Variants in UNC45A observed in about 807,000 individuals in gnomAD.
UNC45A encodes protein unc-45 homolog A.
UNC45A carries 78 observed loss-of-function variants against 103.2 expected under a neutral mutation model. That is an observed-to-expected ratio of 0.76 (90% CI 0.63 to 0.91). The LOEUF (loss-of-function observed/expected upper bound fraction) is 0.91, where lower values mean the gene tolerates loss of function less well. Ranked by LOEUF, UNC45A falls within the 40% of genes least tolerant of loss-of-function variation. The pLI, the probability that UNC45A is intolerant of heterozygous loss-of-function variation, is 0.00. For missense variants in UNC45A, 1,193 were observed against 1,224.8 expected (o/e 0.97, Z 0.39); for synonymous variants, 495 against 504.6 (o/e 0.98, Z 0.25).
At chr15:90,949,548 C>A (rs140885537) in intron 14 of UNC45A, 105 bp downstream of exon 14, 1 of 1,597,190 alleles carries the variant, frequency 6.3e-7, no homozygotes, top group Non-Finnish European at 8.5e-7. Flanking sequence ...CCTCTTAGAG[C>A]GACGGGGGCT....
chr15:90,950,118 G>T, intron 15 of UNC45A, 36 bp from the exon 16 acceptor site: 2 of 1,544,714 alleles, frequency 1.3e-6, no homozygotes, highest in Non-Finnish European at 1.8e-6. Context: ...CTTACTCCCA[G>T]GGATGTCCTG....
In UNC45A at chr15:90,944,974, C is replaced by A; in HGVS notation, c.1110C>A (p.Ser370Arg). 1 of 1,612,882 alleles carries A rather than the reference C, an allele frequency of 6.2e-7. No individual in the cohort carries two copies. The highest frequency in any genetic ancestry group is 8.5e-7 in the Non-Finnish European group (1 of 1,180,038). Residue 370 changes from serine to arginine, a missense_variant, in exon 9 of 20, where the codon AGC (serine) becomes AGA (arginine). By Grantham distance (110) the Ser-to-Arg change is moderately radical (BLOSUM62 -1). Coordinates refer to ENST00000418476, the MANE Select transcript of UNC45A (RefSeq NM_018671.5). ...CAGTGACCGCAAACAGCCGCATGAG[C>A]GCCTCTATTCTCCTCAGCAAGCTCT... ...ELAVTANSRM[S>R]ASILLSKLFD...
chr15:90,946,549 A>G (rs2036577579), intron 9 of UNC45A, 65 bp from the exon 10 acceptor site: 3 of 1,483,882 alleles, frequency 2.0e-6, no homozygotes, highest in Non-Finnish European at 2.7e-6. Flanking sequence ...GTGGAGGGGA[A>G]GGGAGGGAAG....
At chr15:90,932,349 A>G (rs2035830497), upstream of UNC45A, 2 of 888,310 alleles carry the variant, frequency 2.3e-6, no homozygotes, top group South Asian at 4.3e-5. Context: ...GTGCTCAATG[A>G]GGTGCACGCC....
chr15:90,931,762 C>T, upstream of UNC45A: 2 of 1,614,124 alleles, frequency 1.2e-6, no homozygotes, highest in Non-Finnish European at 1.7e-6. Context: ...CCAGCTTCAC[C>T]AGTTTGGCCC....
chr15:90,948,544 A>C, intron 12 of UNC45A, 110 bp from the exon 13 acceptor site: 1 of 1,513,010 alleles, frequency 6.6e-7, no homozygotes, highest in South Asian at 1.3e-5. Flanking sequence ...TTCATCCTGT[A>C]CCCAAGGGTC....
intron 3 of UNC45A, 83 bp downstream of exon 3, chr15:90,936,065 C>T (rs772847268): frequency 1.4e-5 from 23 of 1,590,578 alleles, no homozygotes; most frequent in Non-Finnish European, 1.9e-5. Flanking sequence ...CCGTCACATT[C>T]TCCTCCTTTG....
intron 6 of UNC45A, among the ~76,000 whole-genome samples, chr15:90,941,898 G>A (rs2036307221): frequency 6.6e-6 from 1 of 150,540 alleles, no homozygotes; most frequent in African/African-American, 2.5e-5. Flanking sequence ...GGTGGAGCTT[G>A]CAGTGAGCCC....
At chr15:90,934,253 G>C (rs1274815585), upstream of UNC45A, 2 of 399,206 alleles carry the variant, frequency 5.0e-6, no homozygotes. Flanking sequence ...GGTAGGGGCT[G>C]ATCTCTTTTA....
In UNC45A at chr15:90,948,814, G is replaced by A. The variant is rs746038878; in HGVS notation, c.1878+20G>A. ...CCCAAGGTGAGGGGCCGCCAGAGGGGCTAGAGGGTTCCCCACCATGGGGAC... is the reference window on the plus strand; with the variant it reads ...CCCAAGGTGAGGGGCCGCCAGAGGGACTAGAGGGTTCCCCACCATGGGGAC... On this transcript the variant is annotated intron_variant, in intron 13 of 19. Coordinates refer to ENST00000418476, the MANE Select transcript of UNC45A (RefSeq NM_018671.5). The A allele has an allele frequency of 8.2e-6, 13 of 1,579,492 alleles. No individual in the cohort carries two copies. The highest frequency in any genetic ancestry group is 4.2e-4 in the Middle Eastern group (2 of 4,720).
chr15:90,953,675 G>A lies in UNC45A; in HGVS notation c.2794G>A (p.Val932Met). Reference sequence around the variant, plus strand: ...TGCTGCAGCCTGCCTGGACAAAGCAGTGGAATATGGGCTTATCCAACCCAA... The same window carrying A: ...TGCTGCAGCCTGCCTGGACAAAGCAATGGAATATGGGCTTATCCAACCCAA... ...RAAAACLDKA[V>M]EYGLIQPNQD... The change falls in exon 20 of 20, where the codon GTG (valine) becomes ATG (methionine). Residue 932 changes from valine to methionine, a missense_variant. Transcript: ENST00000418476. 1 of 1,614,126 alleles carries A rather than the reference G, an allele frequency of 6.2e-7. No individual in the cohort carries two copies. The highest frequency in any genetic ancestry group is 8.5e-7 in the Non-Finnish European group (1 of 1,180,024).
At chr15:90,931,556 AC>A, upstream of UNC45A, 1 of 1,614,142 alleles carries the variant, frequency 6.2e-7, no homozygotes, top group Middle Eastern at 1.6e-4. Flanking sequence ...TTGTATTTTT[AC>A]TGTATGAAAG....
chr15:90,948,858 A>C, intron 13 of UNC45A, 64 bp downstream of exon 13: 1 of 1,407,574 alleles, frequency 7.1e-7, no homozygotes, highest in Non-Finnish European at 9.4e-7. Flanking sequence ...CAGGGCATCC[A>C]CAGCAGAACA....
intron 17 of UNC45A, among the ~76,000 whole-genome samples, chr15:90,951,695 G>A (rs926363252): frequency 5.3e-5 from 8 of 152,148 alleles, no homozygotes; most frequent in African/African-American, 1.9e-4. Context: ...AAACCACAAC[G>A]GCACATGGTT....
At chr15:90,944,756 G>T in intron 8 of UNC45A, 136 bp from the exon 9 acceptor site, 1 of 1,036,814 alleles carries the variant, frequency 9.6e-7, no homozygotes, top group Non-Finnish European at 1.4e-6. Flanking sequence ...AGATTCTCCG[G>T]GCTGCCCTGG....
chr15:90,948,676 T>C lies in UNC45A; in HGVS notation c.1760T>C (p.Phe587Ser), dbSNP rs749290193. The change falls in exon 13 of 20, where the codon TTT becomes TCT. Residue 587 changes from phenylalanine (F) to serine (S), a missense_variant. Physicochemically the swap from Phe to Ser is radical, Grantham distance 155. Transcript: ENST00000418476. ...LSRLEERSVL[F>S]AVASALVNCT... ...CAGTTGGAGGAGAGGTCAGTGCTCT[T>C]TGCGGTGGCCTCAGCGCTGGTGAAC... is the stretch of plus-strand genomic sequence containing the variant. The C allele has an allele frequency of 6.2e-7, 1 of 1,614,054 alleles. No individual in the cohort carries two copies. The highest frequency in any genetic ancestry group is 1.1e-5 in the South Asian group (1 of 91,078).
chr15:90,946,387 T>A (rs2036570466), intron 9 of UNC45A, among the ~76,000 whole-genome samples: 1 of 152,228 alleles, frequency 6.6e-6, no homozygotes, highest in African/African-American at 2.4e-5. Context: ...ACTGGTGGTA[T>A]GGGAGTAACC....
At chr15:90,953,100 C>T in intron 18 of UNC45A, 54 bp downstream of exon 18, 1 of 1,613,224 alleles carries the variant, frequency 6.2e-7, no homozygotes, top group Non-Finnish European at 8.5e-7. Context: ...GTACCTGTGC[C>T]CTGGCTGGGC....
At chr15:90,952,279 C>T (rs1302299487) in intron 17 of UNC45A, 2 of 152,376 alleles carry the variant, frequency 1.3e-5, no homozygotes, top group Non-Finnish European at 2.9e-5. Context: ...CCTGGCTCTA[C>T]AGGCTGTGTA....
Sources: allele counts gnomAD v4.1 joint callset (sites outside exome capture counted in the v4.1 genomes callset), GRCh38; gene constraint gnomAD v4.1.1; transcripts MANE v1.5; gene names NCBI Gene and HGNC (gene_info 2026-07-23, HGNC 2026-07-21).